The following GRIA2 variants were observed in gnomAD, a reference collection of about 807,000 sequenced individuals.
GRIA2 encodes glutamate ionotropic receptor AMPA type subunit 2.
GRIA2 carries 14 observed loss-of-function variants against 97.3 expected under a neutral mutation model. That is an observed-to-expected ratio of 0.14 (90% confidence interval 0.10 to 0.23). The LOEUF (loss-of-function observed/expected upper bound fraction) is 0.23. Among genes scored for constraint, GRIA2 ranks in the 10% least tolerant of loss-of-function variants. The probability of loss-of-function intolerance (pLI) is 1.00; values close to 1 mark genes in which losing one functional copy is unlikely to be tolerated. For missense variants in GRIA2, 558 were observed against 1,069.8 expected (o/e 0.52, Z 6.67); for synonymous variants, 412 against 387.8 (o/e 1.06, Z -0.73).
chr4:157,315,545 T>A (rs1734277725), intron 4 of GRIA2, among the ~76,000 whole-genome samples: 1 of 151,958 alleles, frequency 6.6e-6, no homozygotes, highest in African/African-American at 2.4e-5. Context: ...TGTTTTGTTT[T>A]GTTTTGTTTT....
chr4:157,289,188 G>T (rs1259928257), intron 2 of GRIA2, among the ~76,000 whole-genome samples: 2 of 151,708 alleles, frequency 1.3e-5, no homozygotes, highest in African/African-American at 2.4e-5. Context: ...CTGAACAGGG[G>T]CTCTTTTTAA....
chr4:157,275,406 C>A (rs1057282957), intron 2 of GRIA2, among the ~76,000 whole-genome samples: 19 of 152,116 alleles, frequency 1.2e-4, no homozygotes, highest in African/African-American at 4.6e-4. Flanking sequence ...GCTTTTGTTG[C>A]CATTGCTTTT....
At chr4:157,338,665 G>A (rs1349182466) in intron 11 of GRIA2, among the ~76,000 whole-genome samples, 1 of 151,994 alleles carries the variant, frequency 6.6e-6, no homozygotes, top group East Asian at 1.9e-4. Flanking sequence ...AGGATAAACA[G>A]ATTTTTAGAT....
At chr4:157,347,139 G>C (rs1437593052) in intron 12 of GRIA2, among the ~76,000 whole-genome samples, 1 of 152,142 alleles carries the variant, frequency 6.6e-6, no homozygotes, top group Non-Finnish European at 1.5e-5. Flanking sequence ...CATAGGAAGA[G>C]AAAAATAAGG....
intron 4 of GRIA2, among the ~76,000 whole-genome samples, chr4:157,315,515 TTTTG>T (rs869117665): frequency 3.5e-4 from 52 of 147,478 alleles, no homozygotes; most frequent in East Asian, 7.8e-4. Flanking sequence ...ATGGGTTTTT[TTTTG>T]TTTGTTTGTT....
At chr4:157,264,124 G>T (rs1006933033) in intron 2 of GRIA2, among the ~76,000 whole-genome samples, 1 of 151,988 alleles carries the variant, frequency 6.6e-6, no homozygotes, top group Non-Finnish European at 1.5e-5. Flanking sequence ...CTGCATGCAG[G>T]TTTATAAGTT....
chr4:157,220,289 A>G (rs952674911), upstream of GRIA2: 1 of 152,260 alleles, frequency 6.6e-6, no homozygotes, highest in Admixed American at 6.5e-5. Flanking sequence ...CGGCTTCTAC[A>G]CAGCAGCCGG....
At chr4:157,261,573 T>C (rs1486436573) in intron 2 of GRIA2, among the ~76,000 whole-genome samples, 2 of 152,280 alleles carry the variant, frequency 1.3e-5, no homozygotes, top group East Asian at 1.9e-4. Context: ...TGCAGAGAAA[T>C]AATCTAATTC....
chr4:157,222,620 G>C (rs1283959514), intron 2 of GRIA2, among the ~76,000 whole-genome samples: 3 of 152,326 alleles, frequency 2.0e-5, no homozygotes, highest in African/African-American at 7.2e-5. Flanking sequence ...AGGTAGCTGG[G>C]CTCCAGCAGA....
chr4:157,257,239 T>A (rs1371740885), intron 2 of GRIA2, among the ~76,000 whole-genome samples: 1 of 152,060 alleles, frequency 6.6e-6, no homozygotes, highest in Non-Finnish European at 1.5e-5. Flanking sequence ...CCAAGCCCTG[T>A]GACTTTTTAC....
At chr4:157,323,283 C>G (rs1279870702) in intron 6 of GRIA2, among the ~76,000 whole-genome samples, 1 of 127,256 alleles carries the variant, frequency 7.9e-6, no homozygotes, top group Non-Finnish European at 1.6e-5. Flanking sequence ...TGCAGTGGGC[C>G]GAGATCGCGC....
intron 1 of GRIA2, 85 bp from the exon 2 acceptor site, chr4:157,221,580 CTT>C: frequency 7.2e-7 from 1 of 1,385,908 alleles, no homozygotes; most frequent in African/African-American, 1.4e-5. Flanking sequence ...ATAAGAGACT[CTT>C]GGATTTTTGG....
rs1560765001 is a variant in GRIA2, at chr4:157,321,618, CTTTTCT to C, written c.882+28_882+33del. Reference sequence around the variant, plus strand: ...AATTAAGGTTTGCTTTGGTTTCTGTCTTTTCTTTTTCTTTCATATGTGAGGAGAGAG... The same window carrying C: ...AATTAAGGTTTGCTTTGGTTTCTGTCTTTTCTTTCATATGTGAGGAGAGAG... On this transcript the variant is annotated intron_variant, in intron 6 of 15. Transcript: ENST00000264426. 1 of 1,576,684 alleles carries C rather than the reference CTTTTCT, an allele frequency of 6.3e-7. No individual in the cohort carries two copies. The highest frequency in any genetic ancestry group is 1.2e-5 in the South Asian group (1 of 86,724).
chr4:157,237,511 C>T (rs1407623013), intron 2 of GRIA2, among the ~76,000 whole-genome samples: 1 of 152,038 alleles, frequency 6.6e-6, no homozygotes, highest in South Asian at 2.1e-4. Context: ...AACTCCTGGC[C>T]TCAAGCAATC....
At chr4:157,349,463 C>T (rs569928961) in intron 12 of GRIA2, among the ~76,000 whole-genome samples, 9 of 130,458 alleles carry the variant, frequency 6.9e-5, no homozygotes, top group African/African-American at 2.2e-4. Flanking sequence ...CCCGCTTCCT[C>T]CCCCCACCCT....
At chr4:157,284,619 G>T (rs752751207) in intron 2 of GRIA2, among the ~76,000 whole-genome samples, 1 of 151,582 alleles carries the variant, frequency 6.6e-6, no homozygotes, top group Non-Finnish European at 1.5e-5. Flanking sequence ...CATATTTGAT[G>T]TGTATCTTTT....
At chr4:157,358,904 C>T (rs1268074529) in intron 12 of GRIA2, among the ~76,000 whole-genome samples, 1 of 152,052 alleles carries the variant, frequency 6.6e-6, no homozygotes, top group Non-Finnish European at 1.5e-5. Context: ...AAAAAACAAA[C>T]AAACCCCCCC....
At chr4:157,227,411 T>C (rs537223546) in intron 2 of GRIA2, among the ~76,000 whole-genome samples, 1 of 152,312 alleles carries the variant, frequency 6.6e-6, no homozygotes, top group South Asian at 2.1e-4. Flanking sequence ...TTGAGTTATT[T>C]CAGTATGTTG....
intron 2 of GRIA2, among the ~76,000 whole-genome samples, chr4:157,222,832 T>C (rs901336430): frequency 6.6e-6 from 1 of 152,138 alleles, no homozygotes; most frequent in Admixed American, 6.5e-5. Context: ...TCTAAAAGGA[T>C]TGGTGTGGAG....
Sources: allele counts gnomAD v4.1 joint callset (sites outside exome capture counted in the v4.1 genomes callset), GRCh38; gene constraint gnomAD v4.1.1; transcripts MANE v1.5; gene names NCBI Gene and HGNC (gene_info 2026-07-23, HGNC 2026-07-21).